COLEC10: variants seen among roughly 807,000 people sequenced by gnomAD.
The protein encoded by COLEC10 is collectin subfamily member 10.
A neutral mutation model predicts 28.4 loss-of-function variants in COLEC10; 22 were observed. That is an observed-to-expected ratio of 0.78 (90% CI 0.55 to 1.11). The LOEUF is 1.11. Among genes scored for constraint, COLEC10 ranks in the 50% least tolerant of loss-of-function variants. The pLI is 0.00. For missense variants in COLEC10, 361 were observed against 344.1 expected (o/e 1.05, Z -0.39); for synonymous variants, 125 against 116.1 (o/e 1.08, Z -0.49).
intron 1 of COLEC10, chr8:119,009,423 GC>G (rs2130081157): frequency 6.6e-6 from 1 of 150,510 alleles, no homozygotes; most frequent in South Asian, 2.1e-4. Context: ...AGGCTCTTCT[GC>G]TTGGTCTCTT....
intron 2 of COLEC10, among the ~76,000 whole-genome samples, chr8:119,048,579 T>C (rs1490912257): frequency 6.6e-6 from 1 of 152,230 alleles, no homozygotes; most frequent in African/African-American, 2.4e-5. Context: ...TTATCTTTTA[T>C]TATTATGTAA....
At chr8:118,958,501 T>C in the COLEC10 span, among the ~76,000 whole-genome samples, 65 of 152,204 alleles carry the variant, frequency 4.3e-4, no homozygotes, top group African/African-American at 1.5e-3. Flanking sequence ...CTCCTGTAAG[T>C]GTATGGCAGG....
intron 3 of COLEC10, among the ~76,000 whole-genome samples, chr8:119,098,118 C>T (rs1164778793): frequency 6.6e-6 from 1 of 151,972 alleles, no homozygotes; most frequent in East Asian, 1.9e-4. Context: ...CAGTGAACTT[C>T]ATTTTTTAAT....
the COLEC10 span, among the ~76,000 whole-genome samples, chr8:118,953,688 TTAAA>T: frequency 6.6e-6 from 1 of 152,146 alleles, no homozygotes. Flanking sequence ...ATTATGAGCA[TTAAA>T]TAAAGTAATG....
chr8:118,986,884 G>A, the COLEC10 span, among the ~76,000 whole-genome samples: 1 of 152,186 alleles, frequency 6.6e-6, no homozygotes, highest in Non-Finnish European at 1.5e-5. Context: ...GGTATAGGAT[G>A]TGGAAGGAAT....
At chr8:119,060,626 C>T (rs79689563) in intron 2 of COLEC10, among the ~76,000 whole-genome samples, 7,214 of 152,160 alleles carry the variant, frequency 0.047, 266 homozygotes, top group East Asian at 0.18. Flanking sequence ...AATCAGAATG[C>T]TACTGGTAAT....
chr8:118,971,642 T>G, the COLEC10 span, among the ~76,000 whole-genome samples: 15 of 152,114 alleles, frequency 9.9e-5, no homozygotes, highest in East Asian at 2.7e-3. Flanking sequence ...TTCAAGGGTA[T>G]GCTATGCAGC....
Position 119,083,968 on chromosome 8 carries a change from C to A in COLEC10, c.149-5712C>A, listed in dbSNP as rs563947168. Among the ~76,000 whole-genome samples the A allele has an allele frequency of 3.3e-5, 5 of 152,288 alleles. No homozygotes were observed. The East Asian group carries it at 9.7e-4, about 29-fold the overall frequency. On this transcript the variant is annotated intron_variant, in intron 1 of 5. Transcript: ENST00000332843. ...CCAGGGTCTGGGCCTCCCTTTTCCACAGATAACCTGCCTCATGACAATGAT... is the reference window on the plus strand; with the variant it reads ...CCAGGGTCTGGGCCTCCCTTTTCCAAAGATAACCTGCCTCATGACAATGAT...
At chr8:118,975,066 CT>C in the COLEC10 span, among the ~76,000 whole-genome samples, 1 of 152,016 alleles carries the variant, frequency 6.6e-6, no homozygotes, top group Non-Finnish European at 1.5e-5. Flanking sequence ...CTTCCATGCC[CT>C]TCGGGGTTTC....
In COLEC10 at chr8:119,102,238, CCCT is replaced by C. The variant is rs869283172; in HGVS notation, c.293-106_293-104del. On this transcript the variant is annotated intron_variant, in intron 3 of 5. Coordinates refer to ENST00000332843, the MANE Select transcript of COLEC10 (RefSeq NM_006438.5). ...TCCCTCCCTCCCTCCCTCCCTCCCT[CCCT>C]CCTTCCTTCTTTTCCTTCCTTCATT... is the stretch of plus-strand genomic sequence containing the variant. The C allele has an allele frequency of 1.2e-3, 357 of 291,308 alleles. 4 individuals are homozygous for C. The highest frequency in any genetic ancestry group is 1.9e-3 in the Non-Finnish European group (291 of 157,182). 18.0% of individuals were successfully genotyped at this position (291,308 alleles called of 1,614,324 possible). A position where few individuals can be genotyped will look rare whatever the true frequency, so the allele number is the denominator to read the frequency against.
At chr8:119,045,672 G>T (rs976820548) in intron 2 of COLEC10, among the ~76,000 whole-genome samples, 5 of 152,186 alleles carry the variant, frequency 3.3e-5, no homozygotes, top group African/African-American at 1.2e-4. Flanking sequence ...ATTAGTGTTT[G>T]AATTGTGCAT....
At chr8:118,984,861 G>C in the COLEC10 span, among the ~76,000 whole-genome samples, 54 of 152,258 alleles carry the variant, frequency 3.5e-4, no homozygotes, top group African/African-American at 1.3e-3. Context: ...GGAAGGCAAG[G>C]AGGAGCAAGT....
At chr8:119,009,652 T>C (rs1007297982) in intron 2 of COLEC10, 1 of 150,748 alleles carries the variant, frequency 6.6e-6, no homozygotes, top group Non-Finnish European at 1.5e-5. Context: ...ACAGATTTGT[T>C]GGGCAGAGCA....
chr8:119,082,359 G>C (rs903448332), intron 1 of COLEC10, among the ~76,000 whole-genome samples: 1 of 152,174 alleles, frequency 6.6e-6, no homozygotes, highest in Non-Finnish European at 1.5e-5. Context: ...TCATTTGACT[G>C]TATTGTCATT....
intron 2 of COLEC10, among the ~76,000 whole-genome samples, chr8:119,038,234 G>A (rs1268632753): frequency 6.6e-6 from 1 of 152,176 alleles, no homozygotes; most frequent in African/African-American, 2.4e-5. Flanking sequence ...TGATAACCTT[G>A]AGCATTATTC....
chr8:119,088,130 G>A (rs1352514162), intron 1 of COLEC10, among the ~76,000 whole-genome samples: 1 of 150,308 alleles, frequency 6.7e-6, no homozygotes, highest in African/African-American at 2.5e-5. Flanking sequence ...CTGTCAGAAA[G>A]AGAGAAAAAG....
At chr8:119,000,863 T>C (rs546932562) in intron 1 of COLEC10, among the ~76,000 whole-genome samples, 1 of 152,204 alleles carries the variant, frequency 6.6e-6, no homozygotes, top group South Asian at 2.1e-4. Flanking sequence ...CTGAGGGTGA[T>C]TGCAGGAAAT....
At chr8:118,981,449 C>T in the COLEC10 span, among the ~76,000 whole-genome samples, 309 of 152,000 alleles carry the variant, frequency 2.0e-3, 1 homozygote, top group African/African-American at 6.5e-3. Flanking sequence ...GAATACTATA[C>T]ACATTTTTAT....
At chr8:118,999,215 G>A (rs1006488897) in intron 1 of COLEC10, among the ~76,000 whole-genome samples, 20 of 152,040 alleles carry the variant, frequency 1.3e-4, no homozygotes, top group African/African-American at 4.6e-4. Flanking sequence ...GACATTTGGA[G>A]CCATTAAAAT....
Sources: gnomAD v4.1 joint callset for allele counts (sites outside exome capture counted in the v4.1 genomes callset) on GRCh38, gnomAD v4.1.1 for gene constraint, MANE v1.5 for transcripts, NCBI Gene and HGNC (gene_info 2026-07-23, HGNC 2026-07-21) for gene names.